The following GRIA1 variants were observed in gnomAD, a reference collection of about 807,000 sequenced individuals.
The protein encoded by GRIA1 is glutamate receptor 1.
In GRIA1, 31 loss-of-function variants were observed where a neutral mutation model predicts 99.2. The observed-to-expected ratio is 0.31, with a 90% CI of 0.23 to 0.42. The LOEUF (loss-of-function observed/expected upper bound fraction) is 0.42. GRIA1 is among the 10% of genes least tolerant of loss of function. GRIA1 has a pLI of 1.00. For synonymous variants in GRIA1, 438 were observed against 432.4 expected, an observed-to-expected ratio of 1.01 and a Z score of -0.16; for missense variants, 782 against 1,157.5, an observed-to-expected ratio of 0.68 and a Z score of 4.71.
rs375330463 is a variant in GRIA1, at chr5:153,701,386, G to A, written c.1452+2313G>A. Among the ~76,000 whole-genome samples the A allele has an allele frequency of 1.0e-3, 152 of 152,066 alleles. 4 individuals are homozygous for A. The East Asian group carries it at 0.023, about 23-fold the overall frequency. On this transcript the variant is annotated intron_variant, in intron 10 of 15. Coordinates refer to ENST00000285900, the MANE Select transcript of GRIA1 (RefSeq NM_000827.4). ...TCCCAGCACTTTGGGAGGCTGAGGC[G>A]GGTGGATCACGAGGTCAGGAGATCT... is the stretch of plus-strand genomic sequence containing the variant.
chr5:153,584,150 G>C (rs953308927), intron 2 of GRIA1, among the ~76,000 whole-genome samples: 1 of 152,178 alleles, frequency 6.6e-6, no homozygotes, highest in African/African-American at 2.4e-5. Flanking sequence ...AGGCACCCCA[G>C]CTTCCTCCAA....
At chr5:153,567,375 CGT>C (rs1424473631) in intron 2 of GRIA1, among the ~76,000 whole-genome samples, 4 of 152,060 alleles carry the variant, frequency 2.6e-5, no homozygotes, top group Non-Finnish European at 4.4e-5. Flanking sequence ...TTTTATGAGG[CGT>C]GTGTCCAGGG....
chr5:153,742,369 T>A (rs1761867119), intron 11 of GRIA1, among the ~76,000 whole-genome samples: 1 of 152,158 alleles, frequency 6.6e-6, no homozygotes, highest in African/African-American at 2.4e-5. Flanking sequence ...CTGTGTGACT[T>A]ACCTGTACTT....
At chr5:153,545,942 A>G (rs921025463) in intron 2 of GRIA1, among the ~76,000 whole-genome samples, 22 of 152,316 alleles carry the variant, frequency 1.4e-4, no homozygotes, top group African/African-American at 5.1e-4. Flanking sequence ...TGTCCTCATC[A>G]GTGTCCTGAA....
chr5:153,787,763 A>T (rs569487184), intron 13 of GRIA1, among the ~76,000 whole-genome samples: 69 of 152,252 alleles, frequency 4.5e-4, no homozygotes, highest in African/African-American at 1.5e-3. Flanking sequence ...TTTGACTTCC[A>T]GATTCGCCTC....
At chr5:153,517,640 C>G (rs1756750097) in intron 2 of GRIA1, among the ~76,000 whole-genome samples, 2 of 152,220 alleles carry the variant, frequency 1.3e-5, no homozygotes, top group African/African-American at 4.8e-5. Context: ...TCCTGAACCC[C>G]CACATCTAGT....
intron 13 of GRIA1, among the ~76,000 whole-genome samples, chr5:153,784,976 A>G (rs1355023204): frequency 4.6e-5 from 7 of 152,256 alleles, no homozygotes; most frequent in Middle Eastern, 3.4e-3. Context: ...CACTCCCAGC[A>G]AAAGAACCCC....
intron 13 of GRIA1, among the ~76,000 whole-genome samples, chr5:153,782,492 A>C (rs1485097772): frequency 2.6e-5 from 4 of 152,200 alleles, no homozygotes; most frequent in African/African-American, 9.7e-5. Flanking sequence ...AGAAACTAGA[A>C]ATCTCAATTT....
Position 153,491,242 on chromosome 5 carries a change from G to A in GRIA1, c.82+272G>A, listed in dbSNP as rs991459779. ...GTGAAATGGAGGAACCATCGCTTTG[G>A]AGGAAAAAAAAAATCAGGCTGGAAA... On this transcript the variant is annotated intron_variant, in intron 1 of 15. Transcript: ENST00000285900. 1.4e-5 allele frequency: 19 copies of A among 1,326,722 alleles called. No individual in the cohort carries two copies. In the South Asian group the frequency reaches 3.6e-4, roughly 25 times the overall value. 82.2% of individuals were successfully genotyped at this position (1,326,722 alleles called of 1,614,324 possible).
intron 11 of GRIA1, among the ~76,000 whole-genome samples, chr5:153,737,529 C>G (rs1761468128): frequency 6.6e-6 from 1 of 152,098 alleles, no homozygotes; most frequent in Non-Finnish European, 1.5e-5. Flanking sequence ...CTGGCTAGAA[C>G]ATTAATTTTG....
intron 4 of GRIA1, among the ~76,000 whole-genome samples, chr5:153,651,018 G>T (rs533400542): frequency 2.9e-4 from 44 of 152,112 alleles, no homozygotes; most frequent in Admixed American, 3.9e-4. Flanking sequence ...GGTGGAGGTT[G>T]CAGTGAGCCA....
At chr5:153,560,014 T>C (rs1327438302) in intron 2 of GRIA1, among the ~76,000 whole-genome samples, 1 of 143,872 alleles carries the variant, frequency 7.0e-6, no homozygotes, top group Non-Finnish European at 1.5e-5. Context: ...GAGGTCATCA[T>C]TTTGAAGACT....
intron 13 of GRIA1, 79 bp from the exon 14 acceptor site, chr5:153,794,542 C>A (rs1442272769): frequency 2.1e-6 from 2 of 949,190 alleles, no homozygotes; most frequent in Non-Finnish European, 3.4e-6. Context: ...GGAGCTGATT[C>A]ACCGATCCCT....
intron 8 of GRIA1, among the ~76,000 whole-genome samples, chr5:153,693,839 C>T (rs977679134): frequency 1.4e-4 from 22 of 152,164 alleles, no homozygotes; most frequent in African/African-American, 4.1e-4. Context: ...TATTATAATC[C>T]AACCATTTCC....
intron 2 of GRIA1, among the ~76,000 whole-genome samples, chr5:153,631,127 T>G (rs1436609917): frequency 6.6e-6 from 1 of 152,212 alleles, no homozygotes; most frequent in Non-Finnish European, 1.5e-5. Context: ...TAGATAGATA[T>G]GCTGAGAAAT....
chr5:153,604,847 A>G (rs1765308760), intron 2 of GRIA1, among the ~76,000 whole-genome samples: 2 of 152,198 alleles, frequency 1.3e-5, no homozygotes, highest in Non-Finnish European at 2.9e-5. Context: ...AAAGCAGGAG[A>G]TACCATTAAG....
intron 2 of GRIA1, among the ~76,000 whole-genome samples, chr5:153,541,518 C>G (rs1306175788): frequency 6.6e-6 from 1 of 152,200 alleles, no homozygotes; most frequent in African/African-American, 2.4e-5. Flanking sequence ...CAGCACAAAA[C>G]TACATGATGC....
chr5:153,653,735 G>T (rs1020612383), intron 4 of GRIA1, among the ~76,000 whole-genome samples: 3 of 152,196 alleles, frequency 2.0e-5, no homozygotes, highest in African/African-American at 7.2e-5. Context: ...TGAGGGCACA[G>T]AGACCTTGCC....
intron 8 of GRIA1, among the ~76,000 whole-genome samples, chr5:153,689,674 T>C (rs528417100): frequency 7.9e-5 from 12 of 152,306 alleles, no homozygotes; most frequent in African/African-American, 2.4e-4. Flanking sequence ...GTCTCTAAAA[T>C]AAGTGAGAGA....
Sources: gnomAD v4.1 joint callset for allele counts (sites outside exome capture counted in the v4.1 genomes callset) on GRCh38, gnomAD v4.1.1 for gene constraint, MANE v1.5 for transcripts, NCBI Gene and HGNC (gene_info 2026-07-23, HGNC 2026-07-21) for gene names.